CNST: variants seen among roughly 807,000 people sequenced by gnomAD.
CNST encodes consortin, connexin sorting protein.
A neutral mutation model predicts 72.4 loss-of-function variants in CNST; 39 were observed. The observed-to-expected ratio is 0.54, with a 90% CI of 0.42 to 0.70. The LOEUF (loss-of-function observed/expected upper bound fraction) is 0.70. CNST is among the 30% of genes least tolerant of loss of function. CNST has a pLI of 0.00. For missense variants in CNST, 871 were observed against 868.5 expected (o/e 1.00, Z -0.04); for synonymous variants, 332 against 320.1 (o/e 1.04, Z -0.40).
At chr1:246,607,355 C>T (rs1446087005) in intron 2 of CNST, 3 of 152,084 alleles carry the variant, frequency 2.0e-5, no homozygotes, top group Non-Finnish European at 4.4e-5. Context: ...GCGCGATGCC[C>T]TCTCCTAGAT....
In CNST at chr1:246,657,512, C is replaced by T. The variant is rs144005470; in HGVS notation, c.1837-2687C>T. 2.5e-4 allele frequency among the ~76,000 whole-genome samples: 38 copies of T among 152,264 alleles called. 1 individual carries two copies. In the East Asian group the frequency reaches 5.4e-3, roughly 22 times the overall value. ...TTTAGCAAGAATTAAGGTATTGTGA[C>T]GGAGGGGGTGTCAAAAATGTTAGCC... On this transcript the variant is annotated intron_variant, in intron 9 of 10. Transcript: ENST00000366513.
chr1:246,566,803 C>G (rs1333633783), intron 1 of CNST, 140 bp downstream of exon 1: 1 of 397,588 alleles, frequency 2.5e-6, no homozygotes, highest in Non-Finnish European at 4.4e-6. Context: ...AGGTGTAGCC[C>G]GGTCCCCTTA....
chr1:246,574,407 C>T (rs529609910), intron 1 of CNST, among the ~76,000 whole-genome samples: 70 of 152,140 alleles, frequency 4.6e-4, no homozygotes, highest in Admixed American at 1.5e-3. Context: ...TTCAAAAATT[C>T]GTGTTTTTTC....
chr1:246,652,961 A>ACG (rs1558594548), intron 9 of CNST, among the ~76,000 whole-genome samples: 48 of 151,106 alleles, frequency 3.2e-4, no homozygotes, highest in African/African-American at 1.1e-3. Flanking sequence ...CCGAGATTGC[A>ACG]CCACTGCACT....
chr1:246,578,507 T>TA, intron 1 of CNST, among the ~76,000 whole-genome samples: 1 of 151,928 alleles, frequency 6.6e-6, no homozygotes. Context: ...CCGTCTCTAC[T>TA]AAACATACAA....
chr1:246,592,150 T>C (rs1044468037), intron 2 of CNST, among the ~76,000 whole-genome samples: 2 of 152,120 alleles, frequency 1.3e-5, no homozygotes, highest in Admixed American at 1.3e-4. Context: ...TAACACAATT[T>C]ATTTAATCAC....
At chr1:246,586,858 G>C (rs1013654483) in intron 1 of CNST, among the ~76,000 whole-genome samples, 4 of 152,086 alleles carry the variant, frequency 2.6e-5, no homozygotes, top group Middle Eastern at 3.4e-3. Flanking sequence ...GTAGCAATTT[G>C]GTATTTACAA....
intron 1 of CNST, among the ~76,000 whole-genome samples, chr1:246,568,443 A>G (rs1413324404): frequency 6.6e-6 from 1 of 152,214 alleles, no homozygotes; most frequent in Non-Finnish European, 1.5e-5. Context: ...CTGAGGTCCC[A>G]GGTGCTGAGA....
At chr1:246,632,272 T>A in intron 4 of CNST, 1 of 299,210 alleles carries the variant, frequency 3.3e-6, no homozygotes, top group South Asian at 4.3e-5. Context: ...TAGCGGCATG[T>A]TCTTTAGCCT....
chr1:246,646,185 C>G (rs928113618), intron 8 of CNST, among the ~76,000 whole-genome samples: 1 of 147,164 alleles, frequency 6.8e-6, no homozygotes, highest in Non-Finnish European at 1.5e-5. Flanking sequence ...GAGGCTGAGG[C>G]AGGAGAATGG....
chr1:246,639,784 C>T (rs2103116425), intron 6 of CNST, among the ~76,000 whole-genome samples: 1 of 152,316 alleles, frequency 6.6e-6, no homozygotes, highest in South Asian at 2.1e-4. Context: ...TGGAGCAACA[C>T]ACTGTTTTAA....
chr1:246,569,989 A>C (rs1659963990), intron 1 of CNST: 1 of 831,662 alleles, frequency 1.2e-6, no homozygotes, highest in Non-Finnish European at 1.5e-6. Flanking sequence ...AGTCAGTTTC[A>C]GGTAAGGCTA....
At chr1:246,644,906 G>A (rs141552517) in intron 8 of CNST, among the ~76,000 whole-genome samples, 229 of 152,190 alleles carry the variant, frequency 1.5e-3, no homozygotes, top group African/African-American at 5.2e-3. Context: ...TTTTAACAGA[G>A]GGAGGGGCAG....
At chr1:246,623,308 A>G (rs1437068876) in intron 3 of CNST, among the ~76,000 whole-genome samples, 1 of 152,214 alleles carries the variant, frequency 6.6e-6, no homozygotes, top group African/African-American at 2.4e-5. Context: ...AAATTTGACT[A>G]ATTGTCAATG....
chr1:246,658,694 CAGCTT>C (rs1558598860), intron 9 of CNST, among the ~76,000 whole-genome samples: 2 of 152,236 alleles, frequency 1.3e-5, no homozygotes, highest in African/African-American at 2.4e-5. Flanking sequence ...AGGCCATCCT[CAGCTT>C]AGTCACTGAG....
At chr1:246,599,673 T>C (rs1324979245) in intron 2 of CNST, among the ~76,000 whole-genome samples, 1 of 152,204 alleles carries the variant, frequency 6.6e-6, no homozygotes, top group African/African-American at 2.4e-5. Context: ...TTTGGGAGGC[T>C]AAAGCGAGCA....
chr1:246,658,726 T>G (rs770707975), intron 9 of CNST, among the ~76,000 whole-genome samples: 5 of 99,288 alleles, frequency 5.0e-5, no homozygotes, highest in Non-Finnish European at 7.3e-5. Context: ...AAGTCACTGA[T>G]GCCAGCAAGT....
At chr1:246,639,777 A>G (rs1665558743) in intron 6 of CNST, among the ~76,000 whole-genome samples, 1 of 152,200 alleles carries the variant, frequency 6.6e-6, no homozygotes, top group South Asian at 2.1e-4. Flanking sequence ...AGCGGTGTGG[A>G]GCAACACACT....
At position 246,631,173 on chromosome 1, in the gene CNST, A is replaced by G. The variant is rs557894854; in HGVS notation, c.586-721A>G. ...TATCCCAAAGTTTTTAGAATCAAAGAATCTTTAAATGTAAAGATGTCTTAG... is the reference window on the plus strand; with the variant it reads ...TATCCCAAAGTTTTTAGAATCAAAGGATCTTTAAATGTAAAGATGTCTTAG... On this transcript the variant is annotated intron_variant, in intron 3 of 10. Transcript: ENST00000366513. Among the ~76,000 whole-genome samples the G allele has an allele frequency of 2.6e-3, 394 of 152,364 alleles. 2 individuals carry two copies. The highest frequency in any genetic ancestry group is 8.8e-3 in the African/African-American group (365 of 41,578).
Sources: allele counts gnomAD v4.1 joint callset (sites outside exome capture counted in the v4.1 genomes callset), GRCh38; gene constraint gnomAD v4.1.1; transcripts MANE v1.5; gene names NCBI Gene and HGNC (gene_info 2026-07-23, HGNC 2026-07-21).